CLMP: variants seen among roughly 807,000 people sequenced by gnomAD.
CLMP encodes the protein CXADR like cell adhesion molecule, also known as CXADR-like membrane protein.
Under a neutral mutation model 45.2 loss-of-function variants are expected in CLMP, and 27 were observed. That is an observed-to-expected ratio of 0.60 (90% CI 0.44 to 0.82). The LOEUF (loss-of-function observed/expected upper bound fraction) is 0.82. CLMP is among the 40% of genes least tolerant of loss of function. CLMP has a pLI of 0.00. For synonymous variants in CLMP, 167 were observed against 171.4 expected, an observed-to-expected ratio of 0.97 and a Z score of 0.20; for missense variants, 403 against 448.4, an observed-to-expected ratio of 0.90 and a Z score of 0.91.
intron 1 of CLMP, among the ~76,000 whole-genome samples, chr11:123,140,161 C>G (rs1166637192): frequency 1.3e-5 from 2 of 152,288 alleles, no homozygotes; most frequent in East Asian, 3.9e-4. Context: ...AAGTACCACT[C>G]TGGCTTAATG....
chr11:123,099,865 T>TAG (rs1280379986), intron 1 of CLMP, among the ~76,000 whole-genome samples: 3 of 152,170 alleles, frequency 2.0e-5, no homozygotes, highest in Non-Finnish European at 4.4e-5. Flanking sequence ...AGAGATAATT[T>TAG]AGGAGTTGTG....
intron 2 of CLMP, among the ~76,000 whole-genome samples, chr11:123,086,665 G>A (rs1591451800): frequency 6.6e-6 from 1 of 152,202 alleles, no homozygotes. Flanking sequence ...AGGCACAGAT[G>A]GGGAAGAGCT....
At chr11:123,075,361 G>A (rs944269739) in intron 5 of CLMP, among the ~76,000 whole-genome samples, 1 of 151,644 alleles carries the variant, frequency 6.6e-6, no homozygotes, top group African/African-American at 2.4e-5. Flanking sequence ...CACAGACTTC[G>A]CCAGCAAGTG....
intron 1 of CLMP, among the ~76,000 whole-genome samples, chr11:123,123,952 G>A (rs754615785): frequency 4.1e-4 from 62 of 152,140 alleles, no homozygotes; most frequent in African/African-American, 1.4e-4. Flanking sequence ...AGGCAGGAAC[G>A]AGCTCTGGAT....
chr11:123,133,216 A>G (rs1861017865), intron 1 of CLMP, among the ~76,000 whole-genome samples: 1 of 152,112 alleles, frequency 6.6e-6, no homozygotes, highest in Non-Finnish European at 1.5e-5. Context: ...AGCGTAATGG[A>G]GCAAAATCAG....
intron 1 of CLMP, among the ~76,000 whole-genome samples, chr11:123,174,068 T>A (rs932603628): frequency 6.6e-6 from 1 of 152,006 alleles, no homozygotes. Context: ...GGGCAACAGG[T>A]GGGACCCTGT....
intron 1 of CLMP, among the ~76,000 whole-genome samples, chr11:123,138,606 C>T (rs1455795139): frequency 2.2e-5 from 3 of 136,018 alleles, no homozygotes; most frequent in African/African-American, 5.3e-5. Context: ...CCCCCCACCC[C>T]CCTCCCCCTC....
rs1861067534 is a variant in CLMP at position 123,136,121 on chromosome 11, A to G, written c.29-38169T>C. 4 of 621,932 alleles carry G rather than the reference A, an allele frequency of 6.4e-6. No homozygotes were observed. In the Admixed American group the frequency reaches 7.4e-5, roughly 11 times the overall value. The allele number at this position is 621,932 out of a possible 1,614,324, so 38.5% of individuals were successfully genotyped here. A position where few individuals can be genotyped will look rare whatever the true frequency, so the allele number is the denominator to read the frequency against. On this transcript the variant is annotated intron_variant, in intron 1 of 6. Coordinates refer to ENST00000448775, the MANE Select transcript of CLMP (RefSeq NM_024769.5). Reference sequence around the variant, plus strand: ...TAATCTGCACGTAGCCACTATGACTAGCAATCTGACGGCAAGAAAGTCACC... The same window carrying G: ...TAATCTGCACGTAGCCACTATGACTGGCAATCTGACGGCAAGAAAGTCACC...
chr11:123,145,629 A>AT lies in CLMP; in HGVS notation c.29-47678dup, dbSNP rs540782254. ...AGGTGCCCGCCACTATGCCTGGCTA[A>AT]TTTTTTTTATTTTTAGTAGAGACGG... is the stretch of plus-strand genomic sequence containing the variant. On this transcript the variant is annotated intron_variant, in intron 1 of 6. Transcript: ENST00000448775. Among the ~76,000 whole-genome samples the AT allele has an allele frequency of 6.0e-3, 907 of 151,854 alleles. 32 individuals carry two copies. The highest frequency in any genetic ancestry group is 0.05 in the Admixed American group (766 of 15,220).
chr11:123,072,378 G>A lies in CLMP; in HGVS notation c.*1096C>T, dbSNP rs1032690112. The A allele has an allele frequency of 6.7e-6, 1 of 148,238 alleles. No homozygotes were observed. Among genetic ancestry groups the A allele is most frequent in the Non-Finnish European group, 1.5e-5 (1 of 67,436 alleles). The allele number at this position is 148,238 out of a possible 1,614,324, so 9.2% of individuals were successfully genotyped here. A position where few individuals can be genotyped will look rare whatever the true frequency, so the allele number is the denominator to read the frequency against. Reference sequence around the variant, plus strand: ...GGCTGGAGTGCAATGGCATAATCTTGGCTCACTGCAACCTCCACCTGCTGG... The same window carrying A: ...GGCTGGAGTGCAATGGCATAATCTTAGCTCACTGCAACCTCCACCTGCTGG... On this transcript the variant is annotated 3_prime_UTR_variant, in exon 7 of 7. Coordinates refer to ENST00000448775, the MANE Select transcript of CLMP (RefSeq NM_024769.5).
intron 2 of CLMP, among the ~76,000 whole-genome samples, chr11:123,093,729 T>C (rs970357066): frequency 1.4e-5 from 2 of 145,858 alleles, no homozygotes; most frequent in South Asian, 2.2e-4. Flanking sequence ...CAGGGTGTGA[T>C]GGGAGAAAAA....
At chr11:123,127,195 CGCT>C (rs1860908232) in intron 1 of CLMP, among the ~76,000 whole-genome samples, 1 of 151,926 alleles carries the variant, frequency 6.6e-6, no homozygotes, top group Non-Finnish European at 1.5e-5. Context: ...GATCTCAGCT[CGCT>C]GCAACCTGCG....
chr11:123,113,020 T>A (rs7948719), intron 1 of CLMP, among the ~76,000 whole-genome samples: 3 of 152,046 alleles, frequency 2.0e-5, no homozygotes, highest in East Asian at 1.9e-4. Flanking sequence ...TGATCTGCCC[T>A]CCTCGACCTC....
Position 123,097,808 on chromosome 11 carries a change from C to T in CLMP, c.173G>A (p.Gly58Glu), listed in dbSNP as rs1158015265. The change falls in exon 2 of 7, where the codon GGG (glycine) becomes GAG (glutamate). Residue 58 changes from glycine to glutamate, a missense_variant. Physicochemically the swap from Gly to Glu is moderately conservative, Grantham distance 98. Coordinates refer to ENST00000448775, the MANE Select transcript of CLMP (RefSeq NM_024769.5). Reference sequence around the variant, plus strand: ...GTGTCTACTTACCACTTTTTGGTTCCCTTCATTATCGGTGAGCAGCCATTC... The same window carrying T: ...GTGTCTACTTACCACTTTTTGGTTCTCTTCATTATCGGTGAGCAGCCATTC... ...DIEWLLTDNE[G>E]NQKVVITYSS... 5.0e-6 allele frequency: 8 copies of T among 1,589,508 alleles called. No individual in the cohort carries two copies. Among genetic ancestry groups the T allele is most frequent in the East Asian group, 2.3e-5 (1 of 43,472 alleles).
chr11:123,121,592 C>G (rs994503871), intron 1 of CLMP, among the ~76,000 whole-genome samples: 1 of 152,106 alleles, frequency 6.6e-6, no homozygotes, highest in African/African-American at 2.4e-5. Flanking sequence ...GCCACCTCAC[C>G]TGGCCAGAGA....
In CLMP at chr11:123,076,690, A is replaced by G. The variant is rs75592753; in HGVS notation, c.680-1847T>C. Among the ~76,000 whole-genome samples, 655 of 152,252 alleles carry G rather than the reference A, an allele frequency of 4.3e-3. 8 individuals carry two copies. In the East Asian group the frequency reaches 0.071, roughly 17 times the overall value. On this transcript the variant is annotated intron_variant, in intron 5 of 6. Transcript: ENST00000448775. ...AGTGAGCAAGGGAGAGTAGAGGGAG[A>G]TGAGGTCACAGAGACAGGAAAGGAC... is the stretch of plus-strand genomic sequence containing the variant.
At chr11:123,120,501 T>C (rs1353091165) in intron 1 of CLMP, among the ~76,000 whole-genome samples, 1 of 152,172 alleles carries the variant, frequency 6.6e-6, no homozygotes. Flanking sequence ...TTTCTAGTTC[T>C]ACAAGCTTGG....
intron 1 of CLMP, among the ~76,000 whole-genome samples, chr11:123,106,983 C>T (rs1421275395): frequency 6.7e-6 from 1 of 149,932 alleles, no homozygotes; most frequent in African/African-American, 2.4e-5. Flanking sequence ...TGAGCCACTG[C>T]ACTCCAGCCT....
chr11:123,086,026 C>G (rs1287676593), intron 2 of CLMP, among the ~76,000 whole-genome samples: 1 of 152,132 alleles, frequency 6.6e-6, no homozygotes, highest in East Asian at 1.9e-4. Flanking sequence ...ATCTGCCTGC[C>G]TCAGCCTCCC....
Sources: gnomAD v4.1 joint callset for allele counts (sites outside exome capture counted in the v4.1 genomes callset) on GRCh38, gnomAD v4.1.1 for gene constraint, MANE v1.5 for transcripts, NCBI Gene and HGNC (gene_info 2026-07-23, HGNC 2026-07-21) for gene names.